The following NKAIN2 variants were observed in gnomAD, a reference collection of about 807,000 sequenced individuals.
The protein encoded by NKAIN2 is sodium/potassium-transporting ATPase subunit beta-1-interacting protein 2.
In NKAIN2, 14 loss-of-function variants were observed where a neutral mutation model predicts 32.6. That is an observed-to-expected ratio of 0.43 (90% CI 0.28 to 0.67). The LOEUF is 0.67. Ranked by LOEUF, NKAIN2 falls within the 30% of genes least tolerant of loss-of-function variation. The pLI is 0.17. For synonymous variants in NKAIN2, 80 were observed against 87.2 expected, an observed-to-expected ratio of 0.92 and a Z score of 0.46; for missense variants, 198 against 258.3, an observed-to-expected ratio of 0.77 and a Z score of 1.60.
At chr6:124,462,264 C>T (rs1415701721) in intron 3 of NKAIN2, among the ~76,000 whole-genome samples, 3 of 151,856 alleles carry the variant, frequency 2.0e-5, no homozygotes, top group Admixed American at 2.0e-4. Flanking sequence ...AAAATAAAAG[C>T]ACCATAATCT....
In NKAIN2 at chr6:124,483,189, A is replaced by G. The variant is rs1299695764; in HGVS notation, c.273+127842A>G. On this transcript the variant is annotated intron_variant, in intron 3 of 6. Transcript: ENST00000368417. ...CTAACAAAGCTGAAATTTTAACAGC[A>G]TCATTGTAAAATGCTTCTATTATAA... Among the ~76,000 whole-genome samples, 4 of 152,220 alleles carry G rather than the reference A, an allele frequency of 2.6e-5. No individual in the cohort carries two copies. In the East Asian group the frequency reaches 7.7e-4, roughly 29 times the overall value.
At chr6:124,708,212 G>A (rs1775208323) in intron 4 of NKAIN2, among the ~76,000 whole-genome samples, 2 of 143,696 alleles carry the variant, frequency 1.4e-5, no homozygotes, top group South Asian at 4.5e-4. Flanking sequence ...TCTCTGTTTT[G>A]GTACCAATAC....
chr6:124,036,814 G>T (rs9482504), intron 1 of NKAIN2, among the ~76,000 whole-genome samples: 1 of 152,078 alleles, frequency 6.6e-6, no homozygotes, highest in South Asian at 2.1e-4. Context: ...GCATTACAAA[G>T]ATTAGCTTTT....
chr6:123,937,539 C>T (rs1329061175), intron 1 of NKAIN2, among the ~76,000 whole-genome samples: 3 of 152,094 alleles, frequency 2.0e-5, no homozygotes, highest in Non-Finnish European at 2.9e-5. Context: ...AGAAGAACAA[C>T]GTTTTCTATA....
At chr6:124,471,188 G>A (rs1776958247) in intron 3 of NKAIN2, among the ~76,000 whole-genome samples, 1 of 151,944 alleles carries the variant, frequency 6.6e-6, no homozygotes, top group Admixed American at 6.6e-5. Flanking sequence ...TGGTTGATAA[G>A]GTCATTTATA....
intron 1 of NKAIN2, among the ~76,000 whole-genome samples, chr6:123,830,502 G>T (rs911227506): frequency 1.3e-5 from 2 of 152,034 alleles, no homozygotes; most frequent in African/African-American, 4.8e-5. Flanking sequence ...CTGCCATATG[G>T]CCTCATCTGC....
chr6:124,131,100 A>T (rs1324813193), intron 1 of NKAIN2, among the ~76,000 whole-genome samples: 1 of 152,148 alleles, frequency 6.6e-6, no homozygotes, highest in African/African-American at 2.4e-5. Context: ...AATCAGAATT[A>T]CTTTACCCTC....
intron 3 of NKAIN2, among the ~76,000 whole-genome samples, chr6:124,455,061 A>G (rs908663129): frequency 2.0e-5 from 3 of 152,054 alleles, no homozygotes; most frequent in Admixed American, 1.3e-4. Flanking sequence ...AACATGCATG[A>G]TCATCTTAGC....
intron 1 of NKAIN2, among the ~76,000 whole-genome samples, chr6:124,091,534 T>G (rs1011079458): frequency 2.0e-5 from 3 of 152,044 alleles, no homozygotes; most frequent in Admixed American, 6.6e-5. Flanking sequence ...CCAGGGAATC[T>G]GAAAATAATA....
intron 1 of NKAIN2, among the ~76,000 whole-genome samples, chr6:124,197,916 T>G (rs1790400589): frequency 6.6e-6 from 1 of 151,296 alleles, no homozygotes; most frequent in African/African-American, 2.4e-5. Context: ...AGCATTCCAT[T>G]ATTATATAGC....
intron 2 of NKAIN2, among the ~76,000 whole-genome samples, chr6:124,294,267 A>G (rs1048099985): frequency 1.3e-5 from 2 of 152,076 alleles, no homozygotes; most frequent in African/African-American, 2.4e-5. Flanking sequence ...CTCATCCAGT[A>G]CCCAGCGAGT....
At chr6:124,374,391 G>A (rs781020858) in intron 3 of NKAIN2, among the ~76,000 whole-genome samples, 3 of 151,958 alleles carry the variant, frequency 2.0e-5, no homozygotes, top group Non-Finnish European at 4.4e-5. Flanking sequence ...TGATGACCCC[G>A]ATGTGCTGCT....
At chr6:123,877,993 G>GT (rs1451570173) in intron 1 of NKAIN2, among the ~76,000 whole-genome samples, 1 of 152,172 alleles carries the variant, frequency 6.6e-6, no homozygotes, top group Non-Finnish European at 1.5e-5. Flanking sequence ...TTGGGAGGCT[G>GT]TGGGGGGCAG....
chr6:124,756,388 G>A (rs926053091), intron 4 of NKAIN2, among the ~76,000 whole-genome samples: 1 of 152,234 alleles, frequency 6.6e-6, no homozygotes. Context: ...TTGGAAGAGG[G>A]AGGAAAGATT....
At chr6:124,431,928 T>C (rs1775234562) in intron 3 of NKAIN2, among the ~76,000 whole-genome samples, 1 of 152,148 alleles carries the variant, frequency 6.6e-6, no homozygotes. Flanking sequence ...TTTCAGATAC[T>C]GAAATATATC....
intron 3 of NKAIN2, among the ~76,000 whole-genome samples, chr6:124,630,331 C>T (rs1583550827): frequency 6.6e-6 from 1 of 152,110 alleles, no homozygotes; most frequent in East Asian, 1.9e-4. Flanking sequence ...CACATGGTCA[C>T]AAATCTCATT....
chr6:124,229,533 T>TAGATAGACAGACAGAC (rs1298590453), intron 1 of NKAIN2, among the ~76,000 whole-genome samples: 39 of 149,164 alleles, frequency 2.6e-4, no homozygotes, highest in African/African-American at 8.3e-4. Flanking sequence ...GATAGATAGA[T>TAGATAGACAGACAGAC]AGACAGACAG....
intron 4 of NKAIN2, among the ~76,000 whole-genome samples, chr6:124,720,416 A>T (rs938427818): frequency 1.3e-5 from 2 of 152,230 alleles, no homozygotes; most frequent in Admixed American, 6.5e-5. Flanking sequence ...CATGTGGTAA[A>T]TTAAGTAAAT....
At chr6:123,927,703 G>A (rs1386492355) in intron 1 of NKAIN2, among the ~76,000 whole-genome samples, 1 of 152,218 alleles carries the variant, frequency 6.6e-6, no homozygotes, top group Non-Finnish European at 1.5e-5. Flanking sequence ...TGCTTCTTCA[G>A]TCTTGTAGTT....
Sources: gnomAD v4.1 joint callset for allele counts (sites outside exome capture counted in the v4.1 genomes callset) on GRCh38, gnomAD v4.1.1 for gene constraint, MANE v1.5 for transcripts, NCBI Gene and HGNC (gene_info 2026-07-23, HGNC 2026-07-21) for gene names.